FRAS1: variants seen among roughly 807,000 people sequenced by gnomAD.
FRAS1 encodes the protein Fraser extracellular matrix complex subunit 1, also known as extracellular matrix organizing protein FRAS1.
FRAS1 carries 290 observed loss-of-function variants against 435.2 expected under a neutral mutation model. That is an observed-to-expected ratio of 0.67 (90% confidence interval 0.61 to 0.73). FRAS1 has a LOEUF of 0.73. Ranked by LOEUF, FRAS1 falls within the 30% of genes least tolerant of loss-of-function variation. The pLI is 0.00. For missense variants in FRAS1, 4,860 were observed against 5,001.5 expected (o/e 0.97, Z 0.85); for synonymous variants, 1,800 against 1,851.0 (o/e 0.97, Z 0.71).
At chr4:78,111,740 C>A (rs1578129625) in intron 2 of FRAS1, among the ~76,000 whole-genome samples, 6 of 100,198 alleles carry the variant, frequency 6.0e-5, no homozygotes, top group East Asian at 2.8e-4. Context: ...TACCCTAAAA[C>A]TTAGAGTATA....
At position 78,337,729 on chromosome 4, in the gene FRAS1, C is replaced by G. The variant is rs1333850722; in HGVS notation, c.2334C>G (p.Ser778=). The change falls in exon 20 of 74, where the codon TCC becomes TCG. Residue 778 remains serine, a synonymous_variant. Coordinates refer to ENST00000512123, the MANE Select transcript of FRAS1 (RefSeq NM_025074.7). ...GGCCGTTGGAGTCTGACTGCATCTCCTGTTACCCTCACATCTCTCTTACCA... is the reference window on the plus strand; with the variant it reads ...GGCCGTTGGAGTCTGACTGCATCTCGTGTTACCCTCACATCTCTCTTACCA... The part of the protein sequence containing the change: ...CHGPLESDCI[S]CYPHISLTNG... 2 of 1,614,016 alleles carry G rather than the reference C, an allele frequency of 1.2e-6. No individual in the cohort carries two copies. The highest frequency in any genetic ancestry group is 1.7e-6 in the Non-Finnish European group (2 of 1,179,870).
rs1732274672 is a variant in FRAS1 at position 78,387,703 on chromosome 4, T to C, written c.3975+2T>C. On this transcript the variant is annotated splice_donor_variant, in intron 29 of 73. Transcript: ENST00000512123. LOFTEE classifies it high-confidence loss of function. ...TTCCAAGTGAAGACCGTGCCTCAGG[T>C]AGGTGTCATTCCTAGAGTTACAGTT... is the stretch of plus-strand genomic sequence containing the variant. 6.6e-7 allele frequency: 1 copy of C among 1,510,090 alleles called. No homozygotes were observed. Among genetic ancestry groups the C allele is most frequent in the African/African-American group, 1.4e-5 (1 of 72,360 alleles). 93.5% of individuals were successfully genotyped at this position (1,510,090 alleles called of 1,614,324 possible).
intron 18 of FRAS1, among the ~76,000 whole-genome samples, chr4:78,328,475 A>G: frequency 6.6e-6 from 1 of 152,198 alleles, no homozygotes; most frequent in Non-Finnish European, 1.5e-5. Flanking sequence ...TGTGTTAACA[A>G]TATTATTTAG....
chr4:78,480,785 C>A (rs905028204), intron 56 of FRAS1, among the ~76,000 whole-genome samples: 1 of 152,202 alleles, frequency 6.6e-6, no homozygotes. Flanking sequence ...AACAGCTGTG[C>A]TGAGTGTCTC....
At chr4:78,159,056 C>T (rs765002777) in intron 2 of FRAS1, among the ~76,000 whole-genome samples, 18 of 152,172 alleles carry the variant, frequency 1.2e-4, no homozygotes, top group Non-Finnish European at 2.6e-4. Context: ...ATTCAGGCAG[C>T]AGTGCCATGT....
intron 22 of FRAS1, among the ~76,000 whole-genome samples, chr4:78,365,208 C>G (rs1247073561): frequency 6.6e-6 from 1 of 152,120 alleles, no homozygotes; most frequent in Admixed American, 6.5e-5. Flanking sequence ...CAAAGATTTG[C>G]ATTAGTTATA....
chr4:78,514,506 C>G (rs1419713485), intron 65 of FRAS1, among the ~76,000 whole-genome samples: 1 of 152,168 alleles, frequency 6.6e-6, no homozygotes, highest in Non-Finnish European at 1.5e-5. Flanking sequence ...GGTCTTTATA[C>G]AGTAGAAATT....
Position 78,472,163 on chromosome 4 carries a change from A to G in FRAS1, c.7372-17A>G, listed in dbSNP as rs745489814. ...ATTCCCACCTCAGGAATTAAATTAAATGGGTTTCTATTCTAGGCAACCAAC... is the reference window on the plus strand; with the variant it reads ...ATTCCCACCTCAGGAATTAAATTAAGTGGGTTTCTATTCTAGGCAACCAAC... On this transcript the variant is annotated splice_polypyrimidine_tract_variant and intron_variant, in intron 51 of 73. Coordinates refer to ENST00000512123, the MANE Select transcript of FRAS1 (RefSeq NM_025074.7). 2 of 1,613,104 alleles carry G rather than the reference A, an allele frequency of 1.2e-6. No individual in the cohort carries two copies. Among genetic ancestry groups the G allele is most frequent in the Non-Finnish European group, 1.7e-6 (2 of 1,179,282 alleles).
Position 78,525,067 on chromosome 4 carries a change from G to C in FRAS1, c.10809-1474G>C, listed in dbSNP as rs116073651. 6.1e-3 allele frequency among the ~76,000 whole-genome samples: 933 copies of C among 152,272 alleles called. 10 individuals carry two copies. Among genetic ancestry groups the C allele is most frequent in the African/African-American group, 0.021 (874 of 41,542 alleles). On this transcript the variant is annotated intron_variant, in intron 69 of 73. Transcript: ENST00000512123. Reference sequence around the variant, plus strand: ...ATATGGCTGGCATGGAGTGAGCAGGGAAGAGAGTAGTAGACAATAATGCTG... The same window carrying C: ...ATATGGCTGGCATGGAGTGAGCAGGCAAGAGAGTAGTAGACAATAATGCTG...
chr4:78,101,915 G>T (rs1166042556), intron 2 of FRAS1, among the ~76,000 whole-genome samples: 1 of 152,082 alleles, frequency 6.6e-6, no homozygotes, highest in Non-Finnish European at 1.5e-5. Context: ...GTGTCCATTT[G>T]TTCACTACAT....
chr4:78,450,321 C>A lies in FRAS1; in HGVS notation c.6445C>A (p.Gln2149Lys). The A allele has an allele frequency of 6.2e-7, 1 of 1,613,832 alleles. No homozygotes were observed. Among genetic ancestry groups the A allele is most frequent in the South Asian group, 1.1e-5 (1 of 91,070 alleles). ...TAAAGGCCCCATCCGAAGTTTCACCCAGGCAGACATTAGCCAAGGTCAGCC... is the reference window on the plus strand; with the variant it reads ...TAAAGGCCCCATCCGAAGTTTCACCAAGGCAGACATTAGCCAAGGTCAGCC... ...SIKGPIRSFT[Q>K]ADISQGHVEY... The change falls in exon 45 of 74, where the codon CAG becomes AAG. Residue 2149 changes from glutamine to lysine, a missense_variant. Coordinates refer to ENST00000512123, the MANE Select transcript of FRAS1 (RefSeq NM_025074.7).
At chr4:78,126,848 G>C (rs1719388239) in intron 2 of FRAS1, among the ~76,000 whole-genome samples, 1 of 152,178 alleles carries the variant, frequency 6.6e-6, no homozygotes, top group Non-Finnish European at 1.5e-5. Context: ...CTCTAGAATA[G>C]ATTTATTTTG....
chr4:78,067,887 A>G (rs1045487897), intron 2 of FRAS1, among the ~76,000 whole-genome samples: 2 of 135,806 alleles, frequency 1.5e-5, no homozygotes, highest in Non-Finnish European at 3.2e-5. Flanking sequence ...TATTTTTAGT[A>G]GAGACGGGGT....
At position 78,076,864 on chromosome 4, in the gene FRAS1, T is replaced by A. The variant is rs1400405654; in HGVS notation, c.108+10848T>A. ...TCAAACTGTTGAAGAGAAATAAGTA[T>A]CCTTTTATATTTCTTACTCTGTTCA... On this transcript the variant is annotated intron_variant, in intron 2 of 73. Transcript: ENST00000512123. 2.0e-5 allele frequency among the ~76,000 whole-genome samples: 3 copies of A among 152,226 alleles called. No homozygotes were observed. In the East Asian group the frequency reaches 5.8e-4, roughly 29 times the overall value.
At chr4:78,526,913 C>A (rs749693450) in intron 70 of FRAS1, among the ~76,000 whole-genome samples, 1 of 152,104 alleles carries the variant, frequency 6.6e-6, no homozygotes, top group Admixed American at 6.5e-5. Flanking sequence ...CTATTCAGTG[C>A]CATGTTTTTT....
At chr4:78,094,823 A>T (rs996265087) in intron 2 of FRAS1, among the ~76,000 whole-genome samples, 17 of 152,282 alleles carry the variant, frequency 1.1e-4, no homozygotes, top group African/African-American at 3.9e-4. Flanking sequence ...TCTATTTAGT[A>T]GCTGTTGGAC....
chr4:78,432,557 G>C lies in FRAS1; in HGVS notation c.5170G>C (p.Ala1724Pro), dbSNP rs778254525. Reference protein sequence around the residue: ...AAGSSLSITVASKSTAIITRS... With the variant: ...AAGSSLSITVPSKSTAIITRS... Reference sequence around the variant, plus strand: ...TGGCTCCTCTCTGAGCATTACTGTTGCCAGTAAAAGCACAGCCATAATCAC... The same window carrying C: ...TGGCTCCTCTCTGAGCATTACTGTTCCCAGTAAAAGCACAGCCATAATCAC... The change falls in exon 38 of 74, where the codon GCC (alanine) becomes CCC (proline). Residue 1724 changes from alanine (A) to proline (P), a missense_variant. Ala to Pro is a conservative substitution (Grantham distance 27). Coordinates refer to ENST00000512123, the MANE Select transcript of FRAS1 (RefSeq NM_025074.7). The C allele has an allele frequency of 1.2e-6, 2 of 1,609,832 alleles. No individual in the cohort carries two copies. Among genetic ancestry groups the C allele is most frequent in the Admixed American group, 3.4e-5 (2 of 59,676 alleles).
intron 2 of FRAS1, among the ~76,000 whole-genome samples, chr4:78,202,091 C>T (rs1723071504): frequency 6.6e-6 from 1 of 152,126 alleles, no homozygotes; most frequent in Non-Finnish European, 1.5e-5. Context: ...ATGGATGCTG[C>T]CATACACATT....
At chr4:78,272,874 C>T (rs534360265) in intron 9 of FRAS1, among the ~76,000 whole-genome samples, 2 of 152,036 alleles carry the variant, frequency 1.3e-5, no homozygotes, top group African/African-American at 4.8e-5. Flanking sequence ...CTTGATGGGG[C>T]TGGCATTGAA....
Sources: allele counts gnomAD v4.1 joint callset (sites outside exome capture counted in the v4.1 genomes callset), GRCh38; gene constraint gnomAD v4.1.1; transcripts MANE v1.5; gene names NCBI Gene and HGNC (gene_info 2026-07-23, HGNC 2026-07-21).